The following THBS2 variants were observed in gnomAD, a reference collection of about 807,000 sequenced individuals.
The protein encoded by THBS2 is thrombospondin-2.
Under a neutral mutation model 135.2 loss-of-function variants are expected in THBS2, and 47 were observed. That is an observed-to-expected ratio of 0.35 (90% CI 0.28 to 0.44). THBS2 has a LOEUF of 0.44. THBS2 is among the 20% of genes least tolerant of loss of function. The pLI, the probability that THBS2 is intolerant of heterozygous loss-of-function variation, is 1.00. For missense variants in THBS2, 1,288 were observed against 1,603.1 expected (o/e 0.80, Z 3.36); for synonymous variants, 639 against 633.8 (o/e 1.01, Z -0.12).
At position 169,241,735 on chromosome 6, in the gene THBS2, C is replaced by T; in HGVS notation, c.891+27G>A. ...GGCGGAGCTGCCCATGCCCTATGAC[C>T]CCCGCGGCCCCTGCGTGAGTACCCA... On this transcript the variant is annotated intron_variant, in intron 5 of 21. Coordinates refer to ENST00000617924, the MANE Select transcript of THBS2 (RefSeq NM_003247.5). This position sits in a 1 kb window ranked among gnomAD's most constrained non-coding sequence, Gnocchi z 5.5. 1 of 1,579,392 alleles carries T rather than the reference C, an allele frequency of 6.3e-7. No homozygotes were observed. The highest frequency in any genetic ancestry group is 1.1e-5 in the South Asian group (1 of 87,876).
rs994443262 is a variant in THBS2 at position 169,216,635 on chromosome 6, T to G, written c.*1187A>C. On this transcript the variant is annotated 3_prime_UTR_variant, in exon 22 of 22. Transcript: ENST00000617924. Reference sequence around the variant, plus strand: ...TTCCATCATAAACTCCTCATTATTCTCTATGTATTCTGTTACAGCTTCTAG... The same window carrying G: ...TTCCATCATAAACTCCTCATTATTCGCTATGTATTCTGTTACAGCTTCTAG... 7 of 152,166 alleles carry G rather than the reference T, an allele frequency of 4.6e-5. No homozygotes were observed. Among genetic ancestry groups the G allele is most frequent in the African/African-American group, 1.7e-4 (7 of 41,438 alleles). The allele number at this position is 152,166 out of a possible 1,614,324, so 9.4% of individuals were successfully genotyped here. A position where few individuals can be genotyped will look rare whatever the true frequency, so the allele number is the denominator to read the frequency against.
intron 14 of THBS2, 113 bp downstream of exon 14, chr6:169,229,459 C>G: frequency 1.2e-6 from 1 of 817,460 alleles, no homozygotes; most frequent in Non-Finnish European, 2.0e-6. Flanking sequence ...TGCACAAACG[C>G]TTGCAGGACA....
At position 169,250,793 on chromosome 6, in the gene THBS2, C is replaced by T; in HGVS notation, c.-9G>A. ...ACCAGCCTCCAGACCATCCTGCCTC[C>T]TGCAGCTGAGCTCCTGGGAATACAG... On this transcript the variant is annotated 5_prime_UTR_variant, in exon 2 of 22. Transcript: ENST00000617924. 6.2e-7 allele frequency: 1 copy of T among 1,612,884 alleles called. No individual in the cohort carries two copies. Among genetic ancestry groups the T allele is most frequent in the South Asian group, 1.1e-5 (1 of 90,604 alleles).
Position 169,252,732 on chromosome 6 carries a change from G to T in THBS2, c.-23+992C>A, listed in dbSNP as rs750214248. ...ATGGAGCCACGGATGAGCCAGTGCC[G>T]CTCACCCCTGCCCCAGCCTCTGCAC... On this transcript the variant is annotated intron_variant, in intron 1 of 21. Coordinates refer to ENST00000617924, the MANE Select transcript of THBS2 (RefSeq NM_003247.5). The surrounding 1 kb of genome is among the most constrained non-coding windows in gnomAD (Gnocchi z 4.3). Among the ~76,000 whole-genome samples, 2 of 152,164 alleles carry T rather than the reference G, an allele frequency of 1.3e-5. No individual in the cohort carries two copies. The highest frequency in any genetic ancestry group is 2.4e-5 in the African/African-American group (1 of 41,452).
chr6:169,243,066 C>G (rs1406368349), intron 4 of THBS2, among the ~76,000 whole-genome samples: 10 of 146,810 alleles, frequency 6.8e-5, no homozygotes, highest in Admixed American at 5.4e-4. Context: ...TCCCACCACT[C>G]CCACCTTCCC....
At chr6:169,225,970 T>A (rs9505889) in intron 16 of THBS2, among the ~76,000 whole-genome samples, 1 of 152,148 alleles carries the variant, frequency 6.6e-6, no homozygotes, top group African/African-American at 2.4e-5. Context: ...GAAAACTCCA[T>A]GTTATCCTGT....
intron 14 of THBS2, among the ~76,000 whole-genome samples, chr6:169,228,737 A>G (rs1779726395): frequency 6.6e-6 from 1 of 152,182 alleles, no homozygotes; most frequent in Admixed American, 6.5e-5. Flanking sequence ...CAGCCTGGCC[A>G]ACATGGTGAA....
At position 169,241,066 on chromosome 6, in the gene THBS2, C is replaced by T. The variant is rs377543055; in HGVS notation, c.892-474G>A. ...CCCTCGCCGCCCTCCCTGCCCCGGA[C>T]TCCTGCCCCTGCCGCCCTCCCTGCC... is the stretch of plus-strand genomic sequence containing the variant. On this transcript the variant is annotated intron_variant, in intron 5 of 21. Coordinates refer to ENST00000617924, the MANE Select transcript of THBS2 (RefSeq NM_003247.5). The surrounding 1 kb of genome is among the most constrained non-coding windows in gnomAD (Gnocchi z 5.5). Among the ~76,000 whole-genome samples, 744 of 151,598 alleles carry T rather than the reference C, an allele frequency of 4.9e-3. 7 individuals carry two copies. The highest frequency in any genetic ancestry group is 0.017 in the African/African-American group (716 of 41,306).
Position 169,246,205 on chromosome 6 carries a change from C to T in THBS2, c.686G>A (p.Gly229Asp), listed in dbSNP as rs369928477. Residue 229 changes from glycine to aspartate, a missense_variant, in exon 4 of 22, where the codon GGC (glycine) becomes GAC (aspartate). Transcript: ENST00000617924. Reference protein sequence around the residue: ...DILSKKGCQQGQGAEINAISE... With the variant: ...DILSKKGCQQDQGAEINAISE... ...TTTCACAACACACCTACCTCCCTGGCCTTGCTGGCAACCCTTCTTGCTTAG... is the reference window on the plus strand; with the variant it reads ...TTTCACAACACACCTACCTCCCTGGTCTTGCTGGCAACCCTTCTTGCTTAG... The T allele has an allele frequency of 6.2e-7, 1 of 1,613,926 alleles. No homozygotes were observed. The highest frequency in any genetic ancestry group is 8.5e-7 in the Non-Finnish European group (1 of 1,179,982).
intron 14 of THBS2, among the ~76,000 whole-genome samples, 155 bp from the exon 15 acceptor site, chr6:169,228,436 C>A (rs1276656762): frequency 6.6e-6 from 1 of 152,172 alleles, no homozygotes; most frequent in East Asian, 1.9e-4. Context: ...TGGCTCACAC[C>A]TTTAATCACA....
chr6:169,224,040 G>A (rs951958625), intron 17 of THBS2, among the ~76,000 whole-genome samples: 6 of 151,950 alleles, frequency 3.9e-5, no homozygotes, highest in Admixed American at 6.5e-5. Flanking sequence ...GGGGGACCAC[G>A]AATTTGCCAC....
At chr6:169,246,340 C>T (rs1051747340) in intron 3 of THBS2, 59 bp from the exon 4 acceptor site, 2 of 1,324,194 alleles carry the variant, frequency 1.5e-6, no homozygotes, top group African/African-American at 1.4e-5. Flanking sequence ...TGTTTGATGC[C>T]AAGCTAACTG....
chr6:169,230,024 G>A (rs1393894305), intron 13 of THBS2, among the ~76,000 whole-genome samples: 2 of 152,328 alleles, frequency 1.3e-5, no homozygotes, highest in African/African-American at 4.8e-5. Context: ...CTTTAGTGGT[G>A]CTTTCCTTCC....
At chr6:169,223,952 T>G (rs537395805) in intron 17 of THBS2, among the ~76,000 whole-genome samples, 1 of 152,272 alleles carries the variant, frequency 6.6e-6, no homozygotes, top group African/African-American at 2.4e-5. Flanking sequence ...ACTTCCGCTG[T>G]TTAGTGGGTC....
intron 12 of THBS2, among the ~76,000 whole-genome samples, 195 bp downstream of exon 12, chr6:169,232,469 G>C (rs113745633): frequency 0.23 from 32,799 of 144,194 alleles, 3,785 homozygotes; most frequent in African/African-American, 0.32. Context: ...TCACAGGCCC[G>C]GCTGAGCACG....
At position 169,241,565 on chromosome 6, in the gene THBS2, C is replaced by A. The variant is rs1780298533; in HGVS notation, c.891+197G>T. ...CCTTGGGAATACTTCCCAAGATCTA[C>A]CCAACTTCCCTCTAACAATGCTGAA... On this transcript the variant is annotated intron_variant, in intron 5 of 21. Transcript: ENST00000617924. This position sits in a 1 kb window ranked among gnomAD's most constrained non-coding sequence, Gnocchi z 5.5. 1.3e-5 allele frequency among the ~76,000 whole-genome samples: 2 copies of A among 152,126 alleles called. No homozygotes were observed. The highest frequency in any genetic ancestry group is 2.1e-4 in the South Asian group (1 of 4,824).
chr6:169,229,425 A>G (rs1205852563), intron 14 of THBS2, 147 bp downstream of exon 14: 2 of 608,070 alleles, frequency 3.3e-6, no homozygotes, highest in Non-Finnish European at 5.8e-6. Flanking sequence ...GACTGTCTTT[A>G]TAGTGACCTT....
chr6:169,248,175 T>TGG (rs1780621061), intron 3 of THBS2, among the ~76,000 whole-genome samples: 1 of 149,484 alleles, frequency 6.7e-6, no homozygotes, highest in Non-Finnish European at 1.5e-5. Context: ...GCATGTGTGT[T>TGG]TGTGTGTGTG....
At position 169,220,345 on chromosome 6, in the gene THBS2, T is replaced by C. The variant is rs368653763; in HGVS notation, c.3372-8A>G. The stretch of plus-strand genomic sequence containing the variant: ...CCTTCATGCACTAAGACTCTAAAAA[T>C]GGTGTTTAAAAAGAAGAAGAGGAAA... On this transcript the variant is annotated splice_polypyrimidine_tract_variant and splice_region_variant and intron_variant, in intron 20 of 21. Transcript: ENST00000617924. 1.6e-5 allele frequency: 26 copies of C among 1,593,890 alleles called. No individual in the cohort carries two copies. The African/African-American group carries it at 3.6e-4, about 22-fold the overall frequency.
Sources: allele counts gnomAD v4.1 joint callset (sites outside exome capture counted in the v4.1 genomes callset), GRCh38; gene constraint gnomAD v4.1.1; non-coding constraint Gnocchi (gnomAD v3.1); transcripts MANE v1.5; gene names NCBI Gene and HGNC (gene_info 2026-07-23, HGNC 2026-07-21).